PARD3: variants seen among roughly 807,000 people sequenced by gnomAD.
PARD3 encodes the protein par-3 family cell polarity regulator, also known as partitioning defective 3 homolog.
In PARD3, 75 loss-of-function variants were observed where a neutral mutation model predicts 155.4. That is an observed-to-expected ratio of 0.48 (90% confidence interval 0.40 to 0.58). The LOEUF (loss-of-function observed/expected upper bound fraction) is 0.58. Ranked by LOEUF, PARD3 falls within the 20% of genes least tolerant of loss-of-function variation. The probability of loss-of-function intolerance (pLI) is 0.00; values close to 1 mark genes in which losing one functional copy is unlikely to be tolerated. For synonymous variants in PARD3, 576 were observed against 610.5 expected, an observed-to-expected ratio of 0.94 and a Z score of 0.83; for missense variants, 1,642 against 1,721.7, an observed-to-expected ratio of 0.95 and a Z score of 0.82.
chr10:34,206,813 G>A (rs889467920), intron 22 of PARD3, among the ~76,000 whole-genome samples: 1 of 152,208 alleles, frequency 6.6e-6, no homozygotes, highest in African/African-American at 2.4e-5. Context: ...ACTGGTAGGT[G>A]TGTCTTATGG....
intron 5 of PARD3, among the ~76,000 whole-genome samples, chr10:34,405,535 T>C (rs1438209901): frequency 1.3e-5 from 2 of 152,002 alleles, no homozygotes; most frequent in South Asian, 2.1e-4. Flanking sequence ...AAAAGATAAA[T>C]AAATGCTATA....
intron 3 of PARD3, among the ~76,000 whole-genome samples, chr10:34,501,251 T>C (rs1308306191): frequency 6.6e-6 from 1 of 152,160 alleles, no homozygotes; most frequent in Admixed American, 6.6e-5. Flanking sequence ...CTTCATGGTT[T>C]GGTGCTGTCT....
intron 20 of PARD3, among the ~76,000 whole-genome samples, chr10:34,308,425 T>C (rs576386220): frequency 9.9e-5 from 15 of 152,266 alleles, no homozygotes; most frequent in Admixed American, 5.9e-4. Context: ...GGATTGCAGA[T>C]GTGTACCAAA....
intron 4 of PARD3, among the ~76,000 whole-genome samples, chr10:34,465,510 A>G (rs1042732134): frequency 1.2e-4 from 18 of 152,232 alleles, no homozygotes; most frequent in Non-Finnish European, 2.6e-4. Flanking sequence ...AAACATGCTA[A>G]GCAACTAAAC....
intron 16 of PARD3, among the ~76,000 whole-genome samples, chr10:34,340,587 A>C (rs1188028713): frequency 6.6e-6 from 1 of 152,196 alleles, no homozygotes; most frequent in African/African-American, 2.4e-5. Flanking sequence ...CAAGGTCCCA[A>C]ATAAGAGGTG....
intron 2 of PARD3, among the ~76,000 whole-genome samples, chr10:34,607,872 T>G (rs1371065474): frequency 1.3e-5 from 2 of 152,254 alleles, no homozygotes; most frequent in Admixed American, 6.5e-5. Context: ...GCAGGCTTTG[T>G]GGATACCACC....
intron 16 of PARD3, among the ~76,000 whole-genome samples, chr10:34,337,720 C>G (rs906531695): frequency 1.3e-5 from 2 of 152,148 alleles, no homozygotes; most frequent in African/African-American, 4.8e-5. Context: ...AGAATTATTT[C>G]AAGATGATCA....
chr10:34,750,483 AC>A (rs1449720910), intron 1 of PARD3, among the ~76,000 whole-genome samples: 4 of 143,540 alleles, frequency 2.8e-5, no homozygotes, highest in Non-Finnish European at 4.5e-5. Context: ...ACACACACAC[AC>A]ACACACACAC....
At chr10:34,312,348 T>C (rs747882217) in intron 20 of PARD3, 30 of 1,612,406 alleles carry the variant, frequency 1.9e-5, no homozygotes, top group Admixed American at 1.8e-4. Context: ...AATCGCTTTG[T>C]TGTTCATCTC....
rs569966268 is a variant in PARD3, at chr10:34,490,309, A to G, written c.404-20046T>C. Among the ~76,000 whole-genome samples, 5 of 152,294 alleles carry G rather than the reference A, an allele frequency of 3.3e-5. No individual in the cohort carries two copies. In the South Asian group the frequency reaches 1.0e-3, roughly 32 times the overall value. Reference sequence around the variant, plus strand: ...CCCTTTAGCTAAGACGAGCAAACAGAAAATTCATCACAATTTATTTTATTA... The same window carrying G: ...CCCTTTAGCTAAGACGAGCAAACAGGAAATTCATCACAATTTATTTTATTA... On this transcript the variant is annotated intron_variant, in intron 3 of 24. Coordinates refer to ENST00000374788, the MANE Select transcript of PARD3 (RefSeq NM_001184785.2).
At chr10:34,367,423 T>C (rs1840070015) in intron 12 of PARD3, among the ~76,000 whole-genome samples, 1 of 152,218 alleles carries the variant, frequency 6.6e-6, no homozygotes, top group Non-Finnish European at 1.5e-5. Context: ...GTCCTCCTTC[T>C]GGCCAGGCGC....
Position 34,593,506 on chromosome 10 carries a change from T to C in PARD3, c.223-76347A>G, listed in dbSNP as rs1476396181. 2.0e-5 allele frequency among the ~76,000 whole-genome samples: 3 copies of C among 152,184 alleles called. No homozygotes were observed. The East Asian group carries it at 5.8e-4, about 29-fold the overall frequency. On this transcript the variant is annotated intron_variant, in intron 2 of 24. Coordinates refer to ENST00000374788, the MANE Select transcript of PARD3 (RefSeq NM_001184785.2). ...TTTCTAAACACCTATTTAGATTAAC[T>C]AGGATGAGCTCACGCACACACAGAG...
At chr10:34,370,807 G>GGTGTGTGTGTGTGT (rs3040369) in intron 12 of PARD3, among the ~76,000 whole-genome samples, 1 of 145,568 alleles carries the variant, frequency 6.9e-6, no homozygotes, top group African/African-American at 2.5e-5. Flanking sequence ...ATACAAATGG[G>GGTGTGTGTGTGTGT]GTGTGTGTGT....
chr10:34,128,961 A>C (rs1473699575), intron 23 of PARD3, among the ~76,000 whole-genome samples: 2 of 152,084 alleles, frequency 1.3e-5, no homozygotes, highest in Non-Finnish European at 2.9e-5. Context: ...ATTCCTAACA[A>C]GTTTCTAGGT....
Position 34,382,672 on chromosome 10 carries a change from G to T in PARD3, c.1267C>A (p.His423Asn). ...EQIDSHSRLP[H>N]SAHPSGKPPS... The stretch of plus-strand genomic sequence containing the variant: ...GGTTTTCCCGAGGGGTGTGCGCTAT[G>T]AGGTAGTCTTGAGTGAGAGTCTATC... Residue 423 changes from histidine (H) to asparagine (N), a missense_variant, in exon 9 of 25, where the codon CAT (histidine) becomes AAT (asparagine). Around this residue, in one of 3 missense-constraint regions of PARD3, gnomAD observed 1,529 missense variants for 1,587.3 expected, o/e 0.96. Transcript: ENST00000374788. The T allele has an allele frequency of 6.2e-7, 1 of 1,614,198 alleles. No individual in the cohort carries two copies. The highest frequency in any genetic ancestry group is 1.1e-5 in the South Asian group (1 of 91,078).
At chr10:34,196,180 A>C (rs1382974323) in intron 22 of PARD3, among the ~76,000 whole-genome samples, 1 of 152,180 alleles carries the variant, frequency 6.6e-6, no homozygotes, top group East Asian at 1.9e-4. Flanking sequence ...TTCTAGAAAT[A>C]AGTGACCCAG....
At chr10:34,121,660 C>T (rs1171330549) in intron 23 of PARD3, among the ~76,000 whole-genome samples, 1 of 152,218 alleles carries the variant, frequency 6.6e-6, no homozygotes, top group Non-Finnish European at 1.5e-5. Context: ...GCCAGCACAA[C>T]CTTACTTGTT....
chr10:34,601,107 AGCCTAAAT>A (rs1157647667), intron 2 of PARD3, among the ~76,000 whole-genome samples: 2 of 150,778 alleles, frequency 1.3e-5, no homozygotes, highest in Non-Finnish European at 2.9e-5. Context: ...CATTGTGCCA[AGCCTAAAT>A]TTTAATTTCA....
chr10:34,413,152 CACACA>C (rs1474488896), intron 5 of PARD3, among the ~76,000 whole-genome samples: 5 of 93,552 alleles, frequency 5.3e-5, no homozygotes, highest in Non-Finnish European at 1.4e-4. Flanking sequence ...TATACACACA[CACACA>C]CACACACACA....
Sources: gnomAD v4.1 joint callset for allele counts (sites outside exome capture counted in the v4.1 genomes callset) on GRCh38, gnomAD v4.1.1 for gene constraint, gnomAD v4.1.1 regional missense constraint, MANE v1.5 for transcripts, NCBI Gene and HGNC (gene_info 2026-07-23, HGNC 2026-07-21) for gene names.